HOMER1: variants seen among roughly 807,000 people sequenced by gnomAD.
HOMER1 encodes homer protein homolog 1.
Under a neutral mutation model 48.9 loss-of-function variants are expected in HOMER1, and 3 were observed. The ratio of observed to expected loss-of-function variants is 0.06; its 90% confidence interval spans 0.03 to 0.16. The LOEUF is 0.16. Among genes scored for constraint, HOMER1 ranks in the 10% least tolerant of loss-of-function variants. HOMER1 has a pLI of 1.00. For synonymous variants in HOMER1, 134 were observed against 146.4 expected, an observed-to-expected ratio of 0.92 and a Z score of 0.61; for missense variants, 247 against 411.4, an observed-to-expected ratio of 0.60 and a Z score of 3.46.
chr5:79,497,895 A>G (rs900903028), intron 1 of HOMER1, among the ~76,000 whole-genome samples: 2 of 152,114 alleles, frequency 1.3e-5, no homozygotes, highest in African/African-American at 4.8e-5. Flanking sequence ...TGCCCTGGGA[A>G]TCTGTTAGAA....
At position 79,373,250 on chromosome 5, in the gene HOMER1, C is replaced by T. The variant is rs551136390; in HGVS notation, c.*2759G>A. ...GACTGGAGGAAAAAAAGATAAAGTA[C>T]ATTCTCCAGAGAACAAATGTATTTC... is the stretch of plus-strand genomic sequence containing the variant. On this transcript the variant is annotated 3_prime_UTR_variant, in exon 9 of 9. Coordinates refer to ENST00000334082, the MANE Select transcript of HOMER1 (RefSeq NM_004272.5). 18 of 151,638 alleles carry T rather than the reference C, an allele frequency of 1.2e-4. No individual in the cohort carries two copies. In the South Asian group the frequency reaches 2.7e-3, roughly 23 times the overall value. 9.4% of individuals were successfully genotyped at this position (151,638 alleles called of 1,614,324 possible). A position where few individuals can be genotyped will look rare whatever the true frequency, so the allele number is the denominator to read the frequency against.
At chr5:79,439,594 GA>G (rs1430906490) in intron 4 of HOMER1, among the ~76,000 whole-genome samples, 2 of 152,086 alleles carry the variant, frequency 1.3e-5, no homozygotes, top group African/African-American at 4.8e-5. Context: ...TGGATGAGGA[GA>G]GGGGGAGGGC....
intron 5 of HOMER1, among the ~76,000 whole-genome samples, chr5:79,438,515 T>G (rs1214164374): frequency 6.6e-6 from 1 of 152,178 alleles, no homozygotes; most frequent in African/African-American, 2.4e-5. Context: ...AAACCCATGC[T>G]AAAAGTTATC....
chr5:79,456,635 C>A (rs1751185139), intron 2 of HOMER1, among the ~76,000 whole-genome samples: 1 of 152,116 alleles, frequency 6.6e-6, no homozygotes, highest in Admixed American at 6.5e-5. Flanking sequence ...AATGGAATGA[C>A]CTCAAATTTG....
intron 5 of HOMER1, among the ~76,000 whole-genome samples, chr5:79,417,072 A>T (rs2112241543): frequency 6.6e-6 from 1 of 152,256 alleles, no homozygotes; most frequent in East Asian, 1.9e-4. Flanking sequence ...TGATGCTGTG[A>T]ATTATGTATC....
At chr5:79,394,879 T>C (rs764309669) in intron 8 of HOMER1, among the ~76,000 whole-genome samples, 1 of 152,250 alleles carries the variant, frequency 6.6e-6, no homozygotes, top group African/African-American at 2.4e-5. Context: ...TTCAAATACA[T>C]TTAGAATTAT....
intron 1 of HOMER1, among the ~76,000 whole-genome samples, chr5:79,504,711 G>A (rs978662150): frequency 3.3e-5 from 5 of 151,988 alleles, no homozygotes; most frequent in African/African-American, 1.2e-4. Flanking sequence ...ACAGAAGAAA[G>A]ACAATAACTA....
intron 1 of HOMER1, among the ~76,000 whole-genome samples, chr5:79,472,404 T>C (rs928197274): frequency 3.3e-5 from 5 of 152,342 alleles, no homozygotes; most frequent in East Asian, 3.9e-4. Flanking sequence ...TAAACATTCA[T>C]TGAGCTGCAG....
At chr5:79,433,490 C>T (rs923747444) in intron 5 of HOMER1, among the ~76,000 whole-genome samples, 1 of 152,108 alleles carries the variant, frequency 6.6e-6, no homozygotes, top group Non-Finnish European at 1.5e-5. Flanking sequence ...ATGGCTTGAA[C>T]CCGGGAGGTG....
chr5:79,486,360 T>C lies in HOMER1; in HGVS notation c.5+26410A>G, dbSNP rs1214134244. On this transcript the variant is annotated intron_variant, in intron 1 of 8. Transcript: ENST00000334082. The stretch of plus-strand genomic sequence containing the variant: ...ACAATGAGAACAATGTGCAAAGATC[T>C]TGAGGCTGGCAAGAGCTTGTCAGGT... Among the ~76,000 whole-genome samples the C allele has an allele frequency of 2.6e-5, 4 of 152,162 alleles. No homozygotes were observed. In the East Asian group the frequency reaches 7.7e-4, roughly 29 times the overall value.
intron 4 of HOMER1, among the ~76,000 whole-genome samples, chr5:79,445,541 A>G (rs1011989585): frequency 6.6e-6 from 1 of 152,232 alleles, no homozygotes; most frequent in Non-Finnish European, 1.5e-5. Flanking sequence ...TAAAAGAAAA[A>G]GTAATACTTT....
intron 1 of HOMER1, among the ~76,000 whole-genome samples, chr5:79,490,774 A>C (rs867422059): frequency 4.5e-4 from 66 of 146,646 alleles, no homozygotes; most frequent in African/African-American, 1.5e-3. Flanking sequence ...TCTACCAAAA[A>C]AAAAAACAAA....
chr5:79,478,240 C>T (rs1443158815), intron 1 of HOMER1, among the ~76,000 whole-genome samples: 1 of 152,150 alleles, frequency 6.6e-6, no homozygotes, highest in Admixed American at 6.5e-5. Flanking sequence ...ACTTATTATA[C>T]TCCATTTCAG....
At chr5:79,428,489 G>T (rs1176473450) in intron 5 of HOMER1, among the ~76,000 whole-genome samples, 1 of 151,960 alleles carries the variant, frequency 6.6e-6, no homozygotes, top group Non-Finnish European at 1.5e-5. Flanking sequence ...TAGGAAAGGA[G>T]GAAGTAAACT....
intron 7 of HOMER1, 121 bp downstream of exon 7, chr5:79,397,406 T>G: frequency 1.5e-6 from 1 of 674,696 alleles, no homozygotes; most frequent in African/African-American, 1.9e-5. Context: ...AAAAATTTCA[T>G]CCTAAAAAAG....
rs79206647 is a variant in HOMER1 at position 79,468,600 on chromosome 5, T to C, written c.6-11582A>G. Among the ~76,000 whole-genome samples the C allele has an allele frequency of 1.6e-4, 25 of 152,370 alleles. No homozygotes were observed. The East Asian group carries it at 4.8e-3, about 29-fold the overall frequency. The stretch of plus-strand genomic sequence containing the variant: ...GGAGAACGTTGGACTAGACAATATT[T>C]TCTGTAGCTATTTCCTTATCGACAG... On this transcript the variant is annotated intron_variant, in intron 1 of 8. Transcript: ENST00000334082.
chr5:79,466,488 C>A (rs1242119167), intron 1 of HOMER1, among the ~76,000 whole-genome samples: 5 of 147,850 alleles, frequency 3.4e-5, no homozygotes, highest in Non-Finnish European at 5.9e-5. Context: ...ACAGAGGAGA[C>A]CCTGTCTCAA....
intron 1 of HOMER1, among the ~76,000 whole-genome samples, chr5:79,479,155 G>A (rs1196046309): frequency 6.6e-6 from 1 of 152,118 alleles, no homozygotes; most frequent in Non-Finnish European, 1.5e-5. Flanking sequence ...AAAATCAACA[G>A]AAGACTTCAA....
chr5:79,465,703 C>G (rs1035189018), intron 1 of HOMER1, among the ~76,000 whole-genome samples: 3 of 149,192 alleles, frequency 2.0e-5, no homozygotes, highest in African/African-American at 7.4e-5. Flanking sequence ...CGCCATTCTC[C>G]TGCCTCAGCC....
Sources: gnomAD v4.1 joint callset for allele counts (sites outside exome capture counted in the v4.1 genomes callset) on GRCh38, gnomAD v4.1.1 for gene constraint, MANE v1.5 for transcripts, NCBI Gene and HGNC (gene_info 2026-07-23, HGNC 2026-07-21) for gene names.